Variants in JADE2 observed in about 807,000 individuals in gnomAD.
JADE2 encodes jade family PHD finger 2.
Under a neutral mutation model 85.7 loss-of-function variants are expected in JADE2, and 13 were observed. The observed-to-expected ratio is 0.15, with a 90% CI of 0.10 to 0.24. The LOEUF is 0.24. JADE2 is among the 10% of genes least tolerant of loss of function. JADE2 has a pLI of 1.00. For synonymous variants in JADE2, 440 were observed against 456.1 expected (o/e 0.96, Z 0.45); for missense variants, 846 against 1,115.9 (o/e 0.76, Z 3.45).
chr5:134,529,345 C>A (rs960590596), intron 1 of JADE2, among the ~76,000 whole-genome samples: 1 of 152,110 alleles, frequency 6.6e-6, no homozygotes, highest in African/African-American at 2.4e-5. Flanking sequence ...TTCAGACAGC[C>A]CATAGGAATC....
At chr5:134,525,505 T>TG (rs1232362639), upstream of JADE2, among the ~76,000 whole-genome samples, 4 of 134,366 alleles carry the variant, frequency 3.0e-5, no homozygotes, top group African/African-American at 5.6e-5. Context: ...GGCGGGGGGT[T>TG]GGGGGGGCGG....
chr5:134,564,726 C>T (rs1038443059), intron 8 of JADE2, 116 bp downstream of exon 8: 10 of 632,114 alleles, frequency 1.6e-5, no homozygotes, highest in Non-Finnish European at 2.7e-5. Context: ...CTGATGGGCC[C>T]CAGAGGGGTG....
chr5:134,559,918 G>A lies in JADE2; in HGVS notation c.400G>A (p.Gly134Ser). ...GGGCTCCCAGCCTGATTGGCCAGGG[G>A]GCAGCCGCTATGACTTGGACGAGAT... is the stretch of plus-strand genomic sequence containing the variant. ...GEGSQPDWPG[G>S]SRYDLDEIDA... The change falls in exon 5 of 12, where the codon GGC (glycine) becomes AGC (serine). Residue 134 changes from glycine (G) to serine (S), a missense_variant. Physicochemically the swap from Gly to Ser is moderately conservative, Grantham distance 56. Around this residue, in one of 9 missense-constraint regions of JADE2, gnomAD observed 78 missense variants for 64.9 expected, o/e 1.20. Coordinates refer to ENST00000681547, the MANE Select transcript of JADE2 (RefSeq NM_001388185.1). 1.2e-6 allele frequency: 2 copies of A among 1,614,024 alleles called. No homozygotes were observed. The highest frequency in any genetic ancestry group is 1.7e-6 in the Non-Finnish European group (2 of 1,179,966).
At chr5:134,567,576 CA>C (rs1305667347) in intron 9 of JADE2, among the ~76,000 whole-genome samples, 1 of 152,130 alleles carries the variant, frequency 6.6e-6, no homozygotes. Context: ...TGGGTCCTGT[CA>C]GGAAATAGCC....
chr5:134,527,146 G>A (rs1400364396), intron 1 of JADE2, among the ~76,000 whole-genome samples: 3 of 105,006 alleles, frequency 2.9e-5, no homozygotes, highest in African/African-American at 1.1e-4. Context: ...CAGTCCCTTT[G>A]CCGGATCCCC....
chr5:134,558,953 C>A (rs1192030252), intron 4 of JADE2, among the ~76,000 whole-genome samples: 1 of 152,240 alleles, frequency 6.6e-6, no homozygotes, highest in Non-Finnish European at 1.5e-5. Context: ...AGTCCACACC[C>A]TGCGGGCAGG....
intron 3 of JADE2, among the ~76,000 whole-genome samples, chr5:134,545,028 C>T (rs908428820): frequency 6.6e-6 from 1 of 152,116 alleles, no homozygotes; most frequent in African/African-American, 2.4e-5. Context: ...ACAATGAAGG[C>T]GTATGGTACA....
chr5:134,549,147 T>C (rs1406706866), intron 3 of JADE2, among the ~76,000 whole-genome samples: 2 of 151,566 alleles, frequency 1.3e-5, no homozygotes, highest in African/African-American at 4.9e-5. Flanking sequence ...GAGGCAGGGG[T>C]GAGATGGAAA....
intron 9 of JADE2, among the ~76,000 whole-genome samples, chr5:134,569,510 T>C (rs1173720996): frequency 2.0e-5 from 3 of 152,134 alleles, no homozygotes; most frequent in African/African-American, 4.8e-5. Context: ...CTGACAAAAA[T>C]CGCAGCACTG....
intron 10 of JADE2, 126 bp downstream of exon 10, chr5:134,573,888 C>T: frequency 1.3e-6 from 1 of 762,210 alleles, no homozygotes; most frequent in South Asian, 1.4e-5. Flanking sequence ...CCACTGGCCC[C>T]CACTCCTACC....
rs1763636484 is a variant in JADE2, at chr5:134,566,288, G to T, written c.1142G>T (p.Ser381Ile). 1 of 1,614,056 alleles carries T rather than the reference G, an allele frequency of 6.2e-7. No individual in the cohort carries two copies. Among genetic ancestry groups the T allele is most frequent in the African/African-American group, 1.3e-5 (1 of 74,932 alleles). Residue 381 changes from serine to isoleucine, a missense_variant, in exon 9 of 12, where the codon AGC (serine) becomes ATC (isoleucine). Physicochemically the swap from Ser to Ile is moderately radical, Grantham distance 142. Around this residue, in one of 9 missense-constraint regions of JADE2, gnomAD observed 88 missense variants for 140.6 expected, o/e 0.63. Coordinates refer to ENST00000681547, the MANE Select transcript of JADE2 (RefSeq NM_001388185.1). The surrounding 1 kb of genome is among the most constrained non-coding windows in gnomAD (Gnocchi z 6.7). ...CCCACATCTGAGCCCACGGAACCCA[G>T]CCAGGCTGGCGAGGACCTGGAAAAG... ...NEPTSEPTEPSQAGEDLEKVT... is the reference protein window; with the variant it reads ...NEPTSEPTEPIQAGEDLEKVT...
chr5:134,559,819 T>C lies in JADE2; in HGVS notation c.312-11T>C, dbSNP rs777606989. 12 of 1,605,470 alleles carry C rather than the reference T, an allele frequency of 7.5e-6. No individual in the cohort carries two copies. Among genetic ancestry groups the C allele is most frequent in the Non-Finnish European group, 1.0e-5 (12 of 1,176,416 alleles). On this transcript the variant is annotated splice_polypyrimidine_tract_variant and intron_variant, in intron 4 of 11. Transcript: ENST00000681547. Reference sequence around the variant, plus strand: ...CCCCTCCCTTCATGACATCCTGTCTTGATTTTCTAGGATCCTCCCACCACT... The same window carrying C: ...CCCCTCCCTTCATGACATCCTGTCTCGATTTTCTAGGATCCTCCCACCACT...
intron 3 of JADE2, among the ~76,000 whole-genome samples, chr5:134,543,074 G>A (rs936368894): frequency 4.1e-5 from 6 of 144,752 alleles, no homozygotes; most frequent in Non-Finnish European, 6.0e-5. Flanking sequence ...TCACCCTGTC[G>A]CCCAGGTTGG....
chr5:134,561,050 C>A, intron 6 of JADE2, 93 bp downstream of exon 6: 1 of 1,062,972 alleles, frequency 9.4e-7, no homozygotes, highest in Non-Finnish European at 1.4e-6. Flanking sequence ...GCACTGTGGA[C>A]AGAAGCCCTT....
chr5:134,531,883 C>CCTTTTTT, intron 1 of JADE2, among the ~76,000 whole-genome samples: 1 of 38,478 alleles, frequency 2.6e-5, no homozygotes, highest in South Asian at 1.1e-3. Context: ...CCGTGCCTGG[C>CCTTTTTT]TTTTTTTTTT....
chr5:134,571,343 TC>T (rs1410051870), intron 9 of JADE2, among the ~76,000 whole-genome samples: 2 of 152,212 alleles, frequency 1.3e-5, no homozygotes, highest in Non-Finnish European at 1.5e-5. Flanking sequence ...CACTATTCAA[TC>T]CCGTACAGAA....
At chr5:134,553,684 AC>A (rs1329797421) in intron 4 of JADE2, among the ~76,000 whole-genome samples, 1 of 152,088 alleles carries the variant, frequency 6.6e-6, no homozygotes, top group African/African-American at 2.4e-5. Context: ...TGAACCTTTT[AC>A]GGGAGTTCTT....
intron 9 of JADE2, among the ~76,000 whole-genome samples, chr5:134,572,430 T>C (rs1047162488): frequency 6.6e-6 from 1 of 151,964 alleles, no homozygotes; most frequent in Admixed American, 6.5e-5. Context: ...AGAAGAGAGG[T>C]CTGATCTTGG....
chr5:134,551,043 GCCCCGGCCGT>G (rs1762561561), intron 3 of JADE2, among the ~76,000 whole-genome samples: 1 of 152,058 alleles, frequency 6.6e-6, no homozygotes, highest in South Asian at 2.1e-4. Flanking sequence ...GCTGCCCTAA[GCCCCGGCCGT>G]CCCCCAGCTG....
Sources: allele counts gnomAD v4.1 joint callset (sites outside exome capture counted in the v4.1 genomes callset), GRCh38; gene constraint gnomAD v4.1.1; regional missense constraint gnomAD v4.1.1; non-coding constraint Gnocchi (gnomAD v3.1); transcripts MANE v1.5; gene names NCBI Gene and HGNC (gene_info 2026-07-23, HGNC 2026-07-21).